Variants in NKAIN3 observed in about 807,000 individuals in gnomAD.
NKAIN3 encodes sodium/potassium transporting ATPase interacting 3.
In NKAIN3, 25 loss-of-function variants were observed where a neutral mutation model predicts 30.2. The observed-to-expected ratio is 0.83, with a 90% CI of 0.60 to 1.16. The LOEUF is 1.16. NKAIN3 is among the 50% of genes most tolerant of loss of function. The pLI is 0.00. For missense variants in NKAIN3, 225 were observed against 254.1 expected (o/e 0.89, Z 0.78); for synonymous variants, 91 against 89.6 (o/e 1.02, Z -0.09).
chr8:62,362,687 G>A (rs557251029), intron 1 of NKAIN3, among the ~76,000 whole-genome samples: 1 of 151,846 alleles, frequency 6.6e-6, no homozygotes. Context: ...AACTTCAGCC[G>A]AATTAAATTC....
chr8:62,438,924 G>A (rs911493901), intron 1 of NKAIN3, among the ~76,000 whole-genome samples: 2 of 152,146 alleles, frequency 1.3e-5, no homozygotes, highest in African/African-American at 2.4e-5. Flanking sequence ...CCTCACAGGG[G>A]CTGATTGATG....
chr8:62,694,502 T>C (rs938732077), intron 3 of NKAIN3, among the ~76,000 whole-genome samples: 1 of 152,126 alleles, frequency 6.6e-6, no homozygotes, highest in Non-Finnish European at 1.5e-5. Context: ...GCCAAAATAA[T>C]GGATCATATC....
intron 1 of NKAIN3, among the ~76,000 whole-genome samples, chr8:62,565,591 T>C (rs943145207): frequency 2.6e-5 from 4 of 152,142 alleles, no homozygotes; most frequent in African/African-American, 9.6e-5. Flanking sequence ...ACAGTCTGAA[T>C]ATCTCCTACT....
chr8:62,782,715 A>G (rs1354167456), intron 4 of NKAIN3, among the ~76,000 whole-genome samples: 4 of 150,742 alleles, frequency 2.7e-5, no homozygotes, highest in Non-Finnish European at 3.0e-5. Context: ...TGTGAGAGCT[A>G]AAAATAAATA....
chr8:62,648,020 A>T (rs1812517064), intron 3 of NKAIN3, among the ~76,000 whole-genome samples: 1 of 152,160 alleles, frequency 6.6e-6, no homozygotes, highest in Admixed American at 6.5e-5. Context: ...CAGAATGAGA[A>T]GTAGGAAAGA....
intron 1 of NKAIN3, among the ~76,000 whole-genome samples, chr8:62,323,017 C>A (rs1404439977): frequency 6.6e-6 from 1 of 152,156 alleles, no homozygotes; most frequent in Non-Finnish European, 1.5e-5. Context: ...AAATTCAAAA[C>A]ACTGACAGCA....
chr8:62,895,542 G>A (rs1010021384), intron 4 of NKAIN3, among the ~76,000 whole-genome samples: 3 of 152,172 alleles, frequency 2.0e-5, no homozygotes, highest in African/African-American at 7.2e-5. Flanking sequence ...TGCACATTTA[G>A]CCCTTCTAAG....
intron 2 of NKAIN3, among the ~76,000 whole-genome samples, chr8:62,582,722 A>T (rs1231822736): frequency 6.6e-6 from 1 of 152,220 alleles, no homozygotes; most frequent in Non-Finnish European, 1.5e-5. Context: ...AAAATAGGAA[A>T]GAATTCAAAT....
rs1180627395 is a variant in NKAIN3 at position 62,863,736 on chromosome 8, C to T, written c.472-54717C>T. 7 of 1,592,704 alleles carry T rather than the reference C, an allele frequency of 4.4e-6. No homozygotes were observed. In the East Asian group the frequency reaches 1.3e-4, roughly 30 times the overall value. ...GCACTTTTTACAACTTTCATTGCAA[C>T]AAATCTTTTCCCCTACATATCCCAG... On this transcript the variant is annotated intron_variant, in intron 4 of 6. Coordinates refer to ENST00000623646, the MANE Select transcript of NKAIN3 (RefSeq NM_001304533.3).
chr8:62,284,981 C>A (rs977880050), intron 1 of NKAIN3, among the ~76,000 whole-genome samples: 1 of 152,078 alleles, frequency 6.6e-6, no homozygotes, highest in African/African-American at 2.4e-5. Context: ...AATAGCAAAG[C>A]AGTTTTTTAA....
At chr8:62,517,232 G>A (rs1808020005) in intron 1 of NKAIN3, among the ~76,000 whole-genome samples, 1 of 152,094 alleles carries the variant, frequency 6.6e-6, no homozygotes, top group Non-Finnish European at 1.5e-5. Context: ...CGCAAGTACT[G>A]TTTTTAAAAT....
chr8:62,875,869 A>G (rs1295021188), intron 4 of NKAIN3, among the ~76,000 whole-genome samples: 1 of 152,178 alleles, frequency 6.6e-6, no homozygotes, highest in Non-Finnish European at 1.5e-5. Flanking sequence ...CAAAACCATA[A>G]AAACCCTAGA....
At chr8:62,476,833 G>A (rs543431317) in intron 1 of NKAIN3, among the ~76,000 whole-genome samples, 1 of 152,184 alleles carries the variant, frequency 6.6e-6, no homozygotes, top group Non-Finnish European at 1.5e-5. Context: ...TTTAACATCT[G>A]TTGGCTTGTC....
chr8:62,462,928 ACTTCT>A (rs1462632103), intron 1 of NKAIN3, among the ~76,000 whole-genome samples: 2 of 152,200 alleles, frequency 1.3e-5, no homozygotes, highest in Admixed American at 6.5e-5. Context: ...GAATGAGTGA[ACTTCT>A]CTTCTGTTAC....
intron 3 of NKAIN3, among the ~76,000 whole-genome samples, chr8:62,704,709 G>T (rs1814463182): frequency 6.6e-6 from 1 of 152,144 alleles, no homozygotes; most frequent in African/African-American, 2.4e-5. Flanking sequence ...ATTCCTCCTT[G>T]CAAGCTTATA....
intron 4 of NKAIN3, among the ~76,000 whole-genome samples, chr8:62,815,571 C>A (rs1818648008): frequency 6.6e-6 from 1 of 152,096 alleles, no homozygotes; most frequent in African/African-American, 2.4e-5. Flanking sequence ...TCAATATACA[C>A]AAATCAATAA....
At chr8:62,825,188 G>A (rs764030132) in intron 4 of NKAIN3, among the ~76,000 whole-genome samples, 1 of 152,186 alleles carries the variant, frequency 6.6e-6, no homozygotes, top group African/African-American at 2.4e-5. Context: ...AAACTTTGAA[G>A]TATGTGTTAG....
chr8:62,408,976 C>T (rs188669418), intron 1 of NKAIN3, among the ~76,000 whole-genome samples: 181 of 152,014 alleles, frequency 1.2e-3, no homozygotes, highest in African/African-American at 4.1e-3. Context: ...TTAAATATTG[C>T]GGAAAAAATA....
intron 4 of NKAIN3, among the ~76,000 whole-genome samples, chr8:62,907,732 T>G (rs1347054375): frequency 6.6e-6 from 1 of 152,178 alleles, no homozygotes; most frequent in Non-Finnish European, 1.5e-5. Flanking sequence ...GGCACAGAAA[T>G]TAAGAACTGA....
Sources: gnomAD v4.1 joint callset for allele counts (sites outside exome capture counted in the v4.1 genomes callset) on GRCh38, gnomAD v4.1.1 for gene constraint, MANE v1.5 for transcripts, NCBI Gene and HGNC (gene_info 2026-07-23, HGNC 2026-07-21) for gene names.